Variants in ACYP1 observed in about 807,000 individuals in gnomAD.
The protein encoded by ACYP1 is acylphosphatase 1, also known as acylphosphatase-1.
ACYP1 carries 8 observed loss-of-function variants against 10.4 expected under a neutral mutation model. The ratio of observed to expected loss-of-function variants is 0.77; its 90% CI spans 0.45 to 1.38. The LOEUF (loss-of-function observed/expected upper bound fraction) is 1.38, where lower values mean the gene tolerates loss of function less well. Ranked by LOEUF, ACYP1 falls within the 40% of genes most tolerant of loss-of-function variation. The pLI is 0.00. For missense variants in ACYP1, 93 were observed against 117.3 expected (o/e 0.79, Z 0.96); for synonymous variants, 38 against 40.8 (o/e 0.93, Z 0.26).
chr14:75,053,833 A>C (rs899702652), intron 2 of ACYP1, among the ~76,000 whole-genome samples, 174 bp from the exon 3 acceptor site: 1 of 152,244 alleles, frequency 6.6e-6, no homozygotes, highest in Non-Finnish European at 1.5e-5. Context: ...CTTCACATGA[A>C]GTATTGGCCA....
At chr14:75,065,926 C>A (rs766684567), upstream of ACYP1, among the ~76,000 whole-genome samples, 1 of 152,158 alleles carries the variant, frequency 6.6e-6, no homozygotes, top group Admixed American at 6.5e-5. Context: ...GTATGTGGAG[C>A]TTAGAGTAAT....
At chr14:75,057,435 A>G (rs1389974044) in intron 2 of ACYP1, among the ~76,000 whole-genome samples, 1 of 151,636 alleles carries the variant, frequency 6.6e-6, no homozygotes, top group East Asian at 1.9e-4. Context: ...CAATTGATCT[A>G]CAGATTCAAC....
At chr14:75,063,382 G>T in intron 2 of ACYP1, 88 bp downstream of exon 2, 1 of 1,056,102 alleles carries the variant, frequency 9.5e-7, no homozygotes, top group South Asian at 1.3e-5. Context: ...AATAGCCAGC[G>T]GCTTCTAGTT....
exon 1 of ACYP1, chr14:75,069,333 C>T (rs754359794): frequency 3.6e-6 from 5 of 1,383,506 alleles, no homozygotes; most frequent in Non-Finnish European, 4.7e-6. Context: ...GGGCCTCCGC[C>T]CTTTGCCAGA....
intron 1 of ACYP1, among the ~76,000 whole-genome samples, 157 bp downstream of exon 1, chr14:75,063,797 G>A (rs907701730): frequency 3.9e-5 from 6 of 152,264 alleles, no homozygotes; most frequent in East Asian, 3.9e-4. Context: ...CTCTTCTGGG[G>A]AAATAACCTG....
At chr14:75,067,559 T>C (rs1284583698), upstream of ACYP1, among the ~76,000 whole-genome samples, 1 of 151,994 alleles carries the variant, frequency 6.6e-6, no homozygotes, top group African/African-American at 2.4e-5. Context: ...CATTAAGAAG[T>C]CTTGTGGAGA....
chr14:75,067,597 T>G (rs929955101), upstream of ACYP1, among the ~76,000 whole-genome samples: 1 of 152,062 alleles, frequency 6.6e-6, no homozygotes, highest in Non-Finnish European at 1.5e-5. Flanking sequence ...GACTGTAATA[T>G]GAAAGTTAGG....
At chr14:75,062,538 G>A (rs183163336) in intron 2 of ACYP1, among the ~76,000 whole-genome samples, 236 of 151,960 alleles carry the variant, frequency 1.6e-3, no homozygotes, top group African/African-American at 5.3e-3. Flanking sequence ...AGTCCTGGCC[G>A]GGTGCGGTGG....
chr14:75,064,038 CG>C (rs1012391352), upstream of ACYP1: 15 of 988,330 alleles, frequency 1.5e-5, no homozygotes, highest in South Asian at 4.6e-5. Flanking sequence ...CCTCCGCGCC[CG>C]GAAGTTTAGT....
At chr14:75,062,720 C>T (rs79984272) in intron 2 of ACYP1, among the ~76,000 whole-genome samples, 3,103 of 149,842 alleles carry the variant, frequency 0.021, 70 homozygotes, top group African/African-American at 0.051. Flanking sequence ...GTGGGATTAG[C>T]GACACACTGG....
chr14:75,064,790 C>T (rs1021780390), upstream of ACYP1, among the ~76,000 whole-genome samples: 2 of 152,052 alleles, frequency 1.3e-5, no homozygotes, highest in Admixed American at 6.6e-5. Context: ...GAGTAGGATA[C>T]ATTTAACCTT....
chr14:75,069,098 A>C, intron 1 of ACYP1: 3 of 1,079,542 alleles, frequency 2.8e-6, no homozygotes, highest in Non-Finnish European at 3.9e-6. Flanking sequence ...TATCAAAATA[A>C]TTAGATTGGC....
At chr14:75,056,760 A>G in intron 2 of ACYP1, among the ~76,000 whole-genome samples, 1 of 151,650 alleles carries the variant, frequency 6.6e-6, no homozygotes, top group East Asian at 1.9e-4. Flanking sequence ...TTAATAAAAC[A>G]AAAGCTATAT....
chr14:75,063,845 C>G (rs1893091578), intron 1 of ACYP1, 109 bp downstream of exon 1: 1 of 830,356 alleles, frequency 1.2e-6, no homozygotes, highest in Admixed American at 4.3e-5. Flanking sequence ...CCCGGTCCCG[C>G]TCCCTCACTA....
chr14:75,065,233 G>A (rs867976815), upstream of ACYP1, among the ~76,000 whole-genome samples: 9 of 152,224 alleles, frequency 5.9e-5, no homozygotes, highest in African/African-American at 2.2e-4. Flanking sequence ...TGGATTGACT[G>A]TATACATTAC....
rs1173152073 is a variant in ACYP1, at chr14:75,053,538, CTT to C, written c.204_205del (p.Gly70LysfsTer3). On this transcript the variant is annotated frameshift_variant, in exon 3 of 3. Transcript: ENST00000238618. LOFTEE classifies it high-confidence loss of function. ...GTCGATGTGTGATTTAGGACTTCCT[CTT>C]GTTTCAAGCCATTCCTGCATATGAC... The C allele has an allele frequency of 1.2e-6, 2 of 1,614,174 alleles. No homozygotes were observed. The highest frequency in any genetic ancestry group is 1.7e-6 in the Non-Finnish European group (2 of 1,180,032).
At chr14:75,066,258 G>C (rs1418080879), upstream of ACYP1, among the ~76,000 whole-genome samples, 1 of 152,284 alleles carries the variant, frequency 6.6e-6, no homozygotes, top group East Asian at 1.9e-4. Context: ...GGAAATGGTA[G>C]GATCAGAAGC....
In ACYP1 at chr14:75,060,313, AT is replaced by A. The variant is rs1278691339; in HGVS notation, c.84+3156del. 3 of 649,058 alleles carry A rather than the reference AT, an allele frequency of 4.6e-6. No individual in the cohort carries two copies. In the African/African-American group the frequency reaches 5.5e-5, roughly 12 times the overall value. 40.2% of individuals were successfully genotyped at this position (649,058 alleles called of 1,614,324 possible). A position where few individuals can be genotyped will look rare whatever the true frequency, so the allele number is the denominator to read the frequency against. On this transcript the variant is annotated intron_variant, in intron 2 of 2. Coordinates refer to ENST00000238618, the MANE Select transcript of ACYP1 (RefSeq NM_001107.5). Reference sequence around the variant, plus strand: ...GAAATATTACCTCATACCCACTAGGATGGCTAACATAAAAGACAGTAACCAT... The same window carrying A: ...GAAATATTACCTCATACCCACTAGGAGGCTAACATAAAAGACAGTAACCAT...
In ACYP1 at chr14:75,063,535, G is replaced by C. The variant is rs2139660241; in HGVS notation, c.19C>G (p.Leu7Val). Residue 7 changes from leucine to valine, a missense_variant, in exon 2 of 3, where the codon CTG becomes GTG. Coordinates refer to ENST00000238618, the MANE Select transcript of ACYP1 (RefSeq NM_001107.5). Reference sequence around the variant, plus strand: ...AAAATTTCATAATCCACTGATATCAGGGTGTTTCCTTCTGCCATGCTCAAA... The same window carrying C: ...AAAATTTCATAATCCACTGATATCACGGTGTTTCCTTCTGCCATGCTCAAA... MAEGNTLISVDYEIFGK... is the reference protein window; with the variant it reads MAEGNTVISVDYEIFGK... 2 of 1,613,698 alleles carry C rather than the reference G, an allele frequency of 1.2e-6. No individual in the cohort carries two copies. The highest frequency in any genetic ancestry group is 2.2e-5 in the East Asian group (1 of 44,886).
Sources: allele counts gnomAD v4.1 joint callset (sites outside exome capture counted in the v4.1 genomes callset), GRCh38; gene constraint gnomAD v4.1.1; transcripts MANE v1.5; gene names NCBI Gene and HGNC (gene_info 2026-07-23, HGNC 2026-07-21).